SERPINI1: variants seen among roughly 807,000 people sequenced by gnomAD.
SERPINI1 encodes serpin family I member 1.
In SERPINI1, 19 loss-of-function variants were observed where a neutral mutation model predicts 41.1. That is an observed-to-expected ratio of 0.46 (90% CI 0.32 to 0.68). The LOEUF (loss-of-function observed/expected upper bound fraction) is 0.68. Ranked by LOEUF, SERPINI1 falls within the 30% of genes least tolerant of loss-of-function variation. SERPINI1 has a pLI of 0.03. For missense variants in SERPINI1, 460 were observed against 479.2 expected (o/e 0.96, Z 0.37); for synonymous variants, 138 against 156.6 (o/e 0.88, Z 0.89).
intron 1 of SERPINI1, among the ~76,000 whole-genome samples, chr3:167,763,733 T>C (rs1466601221): frequency 2.0e-5 from 3 of 152,160 alleles, no homozygotes; most frequent in Non-Finnish European, 2.9e-5. Context: ...GTAGAATTTC[T>C]TTTTCAAGAG....
intron 1 of SERPINI1, among the ~76,000 whole-genome samples, chr3:167,761,993 C>T (rs1020657916): frequency 6.6e-6 from 1 of 152,112 alleles, no homozygotes; most frequent in African/African-American, 2.4e-5. Context: ...ATGGTACTTT[C>T]CCTATAAGTA....
At chr3:167,771,426 T>C (rs1216925495) in intron 1 of SERPINI1, among the ~76,000 whole-genome samples, 1 of 152,212 alleles carries the variant, frequency 6.6e-6, no homozygotes, top group East Asian at 1.9e-4. Flanking sequence ...TACGAATGTA[T>C]ATTATGTTGT....
At chr3:167,745,401 C>G (rs1195179576) in intron 1 of SERPINI1, among the ~76,000 whole-genome samples, 2 of 151,998 alleles carry the variant, frequency 1.3e-5, no homozygotes, top group African/African-American at 4.8e-5. Flanking sequence ...TAAAAAGAAA[C>G]TTCCTCCACG....
chr3:167,756,840 C>A (rs573336557), intron 1 of SERPINI1, among the ~76,000 whole-genome samples: 1 of 152,304 alleles, frequency 6.6e-6, no homozygotes, highest in South Asian at 2.1e-4. Context: ...CAATATGCAA[C>A]CAACTTTCTG....
At position 167,775,282 on chromosome 3, in the gene SERPINI1, GAC is replaced by G. The variant is rs1478651637; in HGVS notation, c.-18-13827_-18-13826del. 1.2e-3 allele frequency among the ~76,000 whole-genome samples: 163 copies of G among 135,096 alleles called. 1 individual carries two copies. Among genetic ancestry groups the G allele is most frequent in the African/African-American group, 4.2e-3 (155 of 37,200 alleles). 88.6% of individuals were successfully genotyped at this position (135,096 alleles called of 152,430 possible). On this transcript the variant is annotated intron_variant, in intron 1 of 8. Transcript: ENST00000446050. Reference sequence around the variant, plus strand: ...TATTATTATTATTATTATTATTTGAGACAGAGTCTCGCTCTGTTGCCCAGGCT... The same window carrying G: ...TATTATTATTATTATTATTATTTGAGAGAGTCTCGCTCTGTTGCCCAGGCT...
Position 167,766,987 on chromosome 3 carries a change from G to A in SERPINI1, c.-18-22124G>A, listed in dbSNP as rs138982544. Among the ~76,000 whole-genome samples, 8 of 152,364 alleles carry A rather than the reference G, an allele frequency of 5.3e-5. No individual in the cohort carries two copies. In the East Asian group the frequency reaches 1.5e-3, roughly 29 times the overall value. ...AGAAGATCTAGCTAAGATGACTGAT[G>A]AAGGTGGCTACACTAAACAACATAT... is the stretch of plus-strand genomic sequence containing the variant. On this transcript the variant is annotated intron_variant, in intron 1 of 8. Transcript: ENST00000446050.
At chr3:167,779,529 A>G (rs1727056302) in intron 1 of SERPINI1, among the ~76,000 whole-genome samples, 2 of 152,212 alleles carry the variant, frequency 1.3e-5, no homozygotes, top group South Asian at 4.1e-4. Flanking sequence ...TCTACAACAT[A>G]GAGAGTTGTA....
chr3:167,800,424 A>G (rs1364637876), intron 5 of SERPINI1, among the ~76,000 whole-genome samples: 1 of 152,190 alleles, frequency 6.6e-6, no homozygotes, highest in Non-Finnish European at 1.5e-5. Flanking sequence ...AGCTTTATAT[A>G]TACTTCTCTC....
At chr3:167,766,550 G>A (rs1162415177) in intron 1 of SERPINI1, among the ~76,000 whole-genome samples, 1 of 152,214 alleles carries the variant, frequency 6.6e-6, no homozygotes, top group African/African-American at 2.4e-5. Context: ...TATCAGTGAG[G>A]AAGGCATGTT....
At chr3:167,746,723 G>A (rs1206471921) in intron 1 of SERPINI1, among the ~76,000 whole-genome samples, 1 of 152,150 alleles carries the variant, frequency 6.6e-6, no homozygotes, top group Non-Finnish European at 1.5e-5. Context: ...ACACAAACTA[G>A]GATGACTAAA....
chr3:167,823,766 A>G (rs1190434597), intron 7 of SERPINI1, among the ~76,000 whole-genome samples: 1 of 152,124 alleles, frequency 6.6e-6, no homozygotes, highest in African/African-American at 2.4e-5. Context: ...CACTTTCATG[A>G]TAGGATAGTA....
At position 167,776,238 on chromosome 3, in the gene SERPINI1, T is replaced by C. The variant is rs1324106402; in HGVS notation, c.-18-12873T>C. Among the ~76,000 whole-genome samples the C allele has an allele frequency of 2.0e-5, 3 of 152,252 alleles. No homozygotes were observed. The South Asian group carries it at 6.2e-4, about 31-fold the overall frequency. On this transcript the variant is annotated intron_variant, in intron 1 of 8. Coordinates refer to ENST00000446050, the MANE Select transcript of SERPINI1 (RefSeq NM_001122752.2). ...TACTTGCTGAGTTTTGTCTTAGGGCTTGTGTGTCACTTGTTTAGCTCTCCT... is the reference window on the plus strand; with the variant it reads ...TACTTGCTGAGTTTTGTCTTAGGGCCTGTGTGTCACTTGTTTAGCTCTCCT...
chr3:167,815,714 C>A (rs1346053827), intron 6 of SERPINI1, among the ~76,000 whole-genome samples: 6 of 152,032 alleles, frequency 3.9e-5, no homozygotes, highest in Admixed American at 1.3e-4. Context: ...TTTTCTTCTA[C>A]TTATGTATCC....
intron 5 of SERPINI1, among the ~76,000 whole-genome samples, chr3:167,795,119 TTCTTG>T (rs1384837375): frequency 4.6e-5 from 7 of 152,178 alleles, no homozygotes; most frequent in African/African-American, 1.4e-4. Context: ...TAATTCAGTG[TTCTTG>T]TCTTTGTTTT....
At chr3:167,739,167 G>A (rs1279408684) in intron 1 of SERPINI1, among the ~76,000 whole-genome samples, 2 of 145,674 alleles carry the variant, frequency 1.4e-5, no homozygotes, top group Admixed American at 6.8e-5. Context: ...TTTAAAATTT[G>A]GAAGGTGTGT....
intron 5 of SERPINI1, among the ~76,000 whole-genome samples, chr3:167,806,700 T>C (rs1711657535): frequency 6.6e-6 from 1 of 152,142 alleles, no homozygotes; most frequent in Non-Finnish European, 1.5e-5. Context: ...AATGTATTTA[T>C]TGCAAAATAG....
At chr3:167,816,104 G>A (rs1014768363) in intron 6 of SERPINI1, among the ~76,000 whole-genome samples, 1 of 152,096 alleles carries the variant, frequency 6.6e-6, no homozygotes, top group African/African-American at 2.4e-5. Flanking sequence ...GTGCAGTGGT[G>A]CGATCTTGGC....
At chr3:167,797,157 C>T (rs916053316) in intron 5 of SERPINI1, among the ~76,000 whole-genome samples, 2 of 152,116 alleles carry the variant, frequency 1.3e-5, no homozygotes, top group African/African-American at 4.8e-5. Flanking sequence ...TACATGTCTT[C>T]TTTTGAGTCA....
chr3:167,799,510 T>C (rs1228383727), intron 5 of SERPINI1, among the ~76,000 whole-genome samples: 2 of 152,176 alleles, frequency 1.3e-5, no homozygotes, highest in East Asian at 1.9e-4. Flanking sequence ...CATACGTGTG[T>C]GTGTGTCTTT....
Sources: allele counts gnomAD v4.1 joint callset (sites outside exome capture counted in the v4.1 genomes callset), GRCh38; gene constraint gnomAD v4.1.1; transcripts MANE v1.5; gene names NCBI Gene and HGNC (gene_info 2026-07-23, HGNC 2026-07-21).